The following NHSL1 variants were observed in gnomAD, a reference collection of about 807,000 sequenced individuals.
NHSL1 encodes NHS-like protein 1.
NHSL1 carries 48 observed loss-of-function variants against 95.0 expected under a neutral mutation model. The ratio of observed to expected loss-of-function variants is 0.51; its 90% CI spans 0.40 to 0.64. The LOEUF (loss-of-function observed/expected upper bound fraction) is 0.64, where lower values mean the gene tolerates loss of function less well. Among genes scored for constraint, NHSL1 ranks in the 30% least tolerant of loss-of-function variants. The pLI is 0.00. For synonymous variants in NHSL1, 783 were observed against 833.9 expected (o/e 0.94, Z 1.05); for missense variants, 1,971 against 2,077.7 (o/e 0.95, Z 1.00).
intron 2 of NHSL1, among the ~76,000 whole-genome samples, chr6:138,493,289 T>C (rs188082457): frequency 5.6e-4 from 86 of 152,334 alleles, no homozygotes; most frequent in Non-Finnish European, 1.1e-3. Flanking sequence ...GTAAATCCCT[T>C]TGATGAACCA....
intron 1 of NHSL1, among the ~76,000 whole-genome samples, chr6:138,663,938 T>A (rs1461577450): frequency 2.0e-5 from 3 of 152,172 alleles, no homozygotes; most frequent in African/African-American, 7.2e-5. Flanking sequence ...GATAATGAGG[T>A]TACAAGCATT....
At chr6:138,582,666 G>C (rs536146494) in intron 1 of NHSL1, among the ~76,000 whole-genome samples, 8 of 152,128 alleles carry the variant, frequency 5.3e-5, no homozygotes, top group Non-Finnish European at 8.8e-5. Flanking sequence ...GTCTCCCCTG[G>C]GCTACTGCCA....
chr6:138,444,028 T>G (rs181472628), intron 4 of NHSL1, among the ~76,000 whole-genome samples: 1 of 152,280 alleles, frequency 6.6e-6, no homozygotes, highest in Non-Finnish European at 1.5e-5. Context: ...GGATTATACA[T>G]TTTTTGAGGG....
upstream of NHSL1, among the ~76,000 whole-genome samples, chr6:138,504,081 AAAT>A (rs201606020): frequency 7.6e-6 from 1 of 130,766 alleles, no homozygotes; most frequent in Non-Finnish European, 1.7e-5. Context: ...AATACAAAAA[AAAT>A]ATTAGCCCGG....
In NHSL1 at chr6:138,567,084, A is replaced by ATT. The variant is rs202044250; in HGVS notation, c.202+4624_202+4625dup. 6.5e-3 allele frequency among the ~76,000 whole-genome samples: 930 copies of ATT among 142,286 alleles called. 7 individuals are homozygous for ATT. Among genetic ancestry groups the ATT allele is most frequent in the African/African-American group, 0.024 (859 of 35,500 alleles). 93.3% of individuals were successfully genotyped at this position (142,286 alleles called of 152,430 possible). A position where few individuals can be genotyped will look rare whatever the true frequency, so the allele number is the denominator to read the frequency against. ...GTTTTCTTAATGCCAGAAGGAAGCTATTTTTTTTTTTGGAGGATTTTTGTT... is the reference window on the plus strand; with the variant it reads ...GTTTTCTTAATGCCAGAAGGAAGCTATTTTTTTTTTTTTGGAGGATTTTTGTT... On this transcript the variant is annotated intron_variant, in intron 1 of 6. Coordinates refer to the NHSL1 transcript ENST00000427025.
At chr6:138,530,597 C>T (rs1782093115) in intron 1 of NHSL1, among the ~76,000 whole-genome samples, 1 of 152,146 alleles carries the variant, frequency 6.6e-6, no homozygotes, top group Non-Finnish European at 1.5e-5. Flanking sequence ...ACTACTCAGC[C>T]ATAAAGTGGA....
At chr6:138,487,425 C>T (rs74671269) in intron 2 of NHSL1, among the ~76,000 whole-genome samples, 200 of 152,304 alleles carry the variant, frequency 1.3e-3, no homozygotes, top group Non-Finnish European at 2.2e-3. Flanking sequence ...AAAGCATTGA[C>T]GACATTCATC....
Position 138,432,904 on chromosome 6 carries a change from G to T in NHSL1, c.1441C>A (p.Gln481Lys). ...CCAGGGGAATGAGGGTCTAAGTCCT[G>T]TGAAAGAATGGTGGCATGGCCCTCA... The part of the protein sequence containing the change: ...WNEGHATILS[Q>K]DLDPHSPGEP... The change falls in exon 6 of 8, where the codon CAG (glutamine) becomes AAG (lysine). Residue 481 changes from glutamine to lysine, a missense_variant. Physicochemically the swap from Gln to Lys is moderately conservative, Grantham distance 53 (BLOSUM62 1). Around this residue, in one of 3 missense-constraint regions of NHSL1, gnomAD observed 1,602 missense variants for 1,654.5 expected, o/e 0.97. Transcript: ENST00000343505. The surrounding 1 kb of genome is among the most constrained non-coding windows in gnomAD (Gnocchi z 4.4). 3 of 1,551,612 alleles carry T rather than the reference G, an allele frequency of 1.9e-6. No individual in the cohort carries two copies. The East Asian group carries it at 7.3e-5, about 38-fold the overall frequency.
chr6:138,661,685 A>T (rs902264972), intron 1 of NHSL1, among the ~76,000 whole-genome samples: 5 of 152,076 alleles, frequency 3.3e-5, no homozygotes, highest in Non-Finnish European at 5.9e-5. Flanking sequence ...AAAGAAAGAA[A>T]GAAAGAAACA....
intron 2 of NHSL1, 54 bp from the exon 3 acceptor site, chr6:138,473,487 C>T (rs1225588050): frequency 1.5e-6 from 2 of 1,351,556 alleles, no homozygotes; most frequent in Admixed American, 3.5e-5. Flanking sequence ...CTGTACTCCT[C>T]TTTACTTACT....
At chr6:138,624,501 C>T (rs368401417) in intron 1 of NHSL1, among the ~76,000 whole-genome samples, 1 of 151,956 alleles carries the variant, frequency 6.6e-6, no homozygotes, top group Non-Finnish European at 1.5e-5. Context: ...AATTCATTCA[C>T]GTATACACAC....
At chr6:138,488,406 A>G (rs1289885582) in intron 2 of NHSL1, among the ~76,000 whole-genome samples, 2 of 152,238 alleles carry the variant, frequency 1.3e-5, no homozygotes, top group African/African-American at 4.8e-5. Context: ...CAAGTGCTAA[A>G]TCATTAGTGT....
At position 138,544,959 on chromosome 6, in the gene NHSL1, A is replaced by T. The variant is rs144591004; in HGVS notation, c.16+664T>A. Among the ~76,000 whole-genome samples the T allele has an allele frequency of 4.0e-3, 608 of 151,700 alleles. 1 individual carries two copies. Among genetic ancestry groups the T allele is most frequent in the African/African-American group, 0.014 (571 of 41,374 alleles). ...AGTATTATAATCCATATGTGGCCAG[A>T]ACAAGAAGTATGTTCTTTCTTTTCT... On this transcript the variant is annotated intron_variant, in intron 1 of 4. Transcript: ENST00000342260.
chr6:138,644,541 A>AGTTGAAAAAGTCATCTGT (rs1413685928), intron 1 of NHSL1, among the ~76,000 whole-genome samples: 1 of 152,194 alleles, frequency 6.6e-6, no homozygotes, highest in Non-Finnish European at 1.5e-5. Flanking sequence ...AGTATCACAT[A>AGTTGAAAAAGTCATCTGT]GTTGAAAAAG....
upstream of NHSL1, among the ~76,000 whole-genome samples, chr6:138,499,794 A>G (rs1201663281): frequency 6.6e-6 from 1 of 152,220 alleles, no homozygotes; most frequent in Non-Finnish European, 1.5e-5. Context: ...TCTGACAGCA[A>G]TTCCAGTTAA....
rs1562271038 is a variant in NHSL1, at chr6:138,437,447, A to ACAC, written c.665-3768_665-3767insGTG. 2.5e-4 allele frequency among the ~76,000 whole-genome samples: 29 copies of ACAC among 113,794 alleles called. 1 individual carries two copies. Among genetic ancestry groups the ACAC allele is most frequent in the South Asian group, 5.3e-4 (2 of 3,800 alleles). 74.7% of individuals were successfully genotyped at this position (113,794 alleles called of 152,430 possible). A position where few individuals can be genotyped will look rare whatever the true frequency, so the allele number is the denominator to read the frequency against. On this transcript the variant is annotated intron_variant, in intron 5 of 7. Coordinates refer to ENST00000343505, the MANE Select transcript of NHSL1 (RefSeq NM_001144060.2). ...ACACACACACACACACACACACACA[A>ACAC]AAAAAAAAAAAAAAAATACAATGCA... is the stretch of plus-strand genomic sequence containing the variant.
intron 1 of NHSL1, among the ~76,000 whole-genome samples, chr6:138,685,255 G>A (rs149952424): frequency 4.6e-5 from 7 of 152,240 alleles, no homozygotes; most frequent in Admixed American, 2.0e-4. Flanking sequence ...TTTTAAGCAG[G>A]TTATCATTTT....
chr6:138,491,087 G>A lies in NHSL1; in HGVS notation c.211+5132C>T, dbSNP rs530059220. Among the ~76,000 whole-genome samples the A allele has an allele frequency of 7.9e-5, 12 of 152,154 alleles. No individual in the cohort carries two copies. In the South Asian group the frequency reaches 2.1e-3, roughly 26 times the overall value. On this transcript the variant is annotated intron_variant, in intron 2 of 7. Coordinates refer to ENST00000343505, the MANE Select transcript of NHSL1 (RefSeq NM_001144060.2). ...AACCCTCTGACTTTGAATGACATAGGCCAGATTCAACACTCCTCCTTGCGC... is the reference window on the plus strand; with the variant it reads ...AACCCTCTGACTTTGAATGACATAGACCAGATTCAACACTCCTCCTTGCGC...
intron 4 of NHSL1, among the ~76,000 whole-genome samples, chr6:138,442,835 G>T (rs1286646282): frequency 1.3e-5 from 2 of 152,064 alleles, no homozygotes; most frequent in South Asian, 4.1e-4. Context: ...CACATCATAG[G>T]ACTTCTTTTT....
Sources: allele counts gnomAD v4.1 joint callset (sites outside exome capture counted in the v4.1 genomes callset), GRCh38; gene constraint gnomAD v4.1.1; regional missense constraint gnomAD v4.1.1; non-coding constraint Gnocchi (gnomAD v3.1); transcripts MANE v1.5; gene names NCBI Gene and HGNC (gene_info 2026-07-23, HGNC 2026-07-21).